Variants in ZMIZ1 observed in about 807,000 individuals in gnomAD.
ZMIZ1 encodes zinc finger MIZ-type containing 1.
In ZMIZ1, 17 loss-of-function variants were observed where a neutral mutation model predicts 113.9. The observed-to-expected ratio is 0.15, with a 90% CI of 0.10 to 0.22. The LOEUF is 0.22. Among genes scored for constraint, ZMIZ1 ranks in the 10% least tolerant of loss-of-function variants. The pLI, the probability that ZMIZ1 is intolerant of heterozygous loss-of-function variation, is 1.00. For synonymous variants in ZMIZ1, 607 were observed against 603.1 expected, an observed-to-expected ratio of 1.01 and a Z score of -0.09; for missense variants, 1,059 against 1,477.8, an observed-to-expected ratio of 0.72 and a Z score of 4.65.
At chr10:79,300,400 G>A (rs1287683601) in intron 16 of ZMIZ1, among the ~76,000 whole-genome samples, 1 of 152,220 alleles carries the variant, frequency 6.6e-6, no homozygotes, top group African/African-American at 2.4e-5. Context: ...CTTGTCAAAT[G>A]AGTGCCTGTT....
chr10:79,157,218 C>T (rs1420750686), intron 3 of ZMIZ1, among the ~76,000 whole-genome samples: 1 of 152,150 alleles, frequency 6.6e-6, no homozygotes. Flanking sequence ...AAAGTGGGAC[C>T]TTACAGCTCC....
intron 2 of ZMIZ1, among the ~76,000 whole-genome samples, chr10:79,130,420 AT>A (rs1352376124): frequency 1.3e-5 from 2 of 152,192 alleles, no homozygotes; most frequent in African/African-American, 4.8e-5. Context: ...CCTACCCAGT[AT>A]ACAGGGCTGA....
intron 4 of ZMIZ1, among the ~76,000 whole-genome samples, chr10:79,193,403 A>G (rs1847690110): frequency 6.6e-6 from 1 of 152,152 alleles, no homozygotes; most frequent in African/African-American, 2.4e-5. Context: ...CTCTTTGGGA[A>G]CCCTCAACGG....
intron 7 of ZMIZ1, among the ~76,000 whole-genome samples, chr10:79,272,805 G>A (rs946327238): frequency 6.6e-5 from 10 of 152,204 alleles, no homozygotes; most frequent in Non-Finnish European, 1.2e-4. Flanking sequence ...TACGTTTTAC[G>A]CTGAGACATT....
At chr10:79,168,656 T>C (rs1256573825) in intron 4 of ZMIZ1, among the ~76,000 whole-genome samples, 2 of 152,228 alleles carry the variant, frequency 1.3e-5, no homozygotes, top group African/African-American at 2.4e-5. Flanking sequence ...GGAGGCTGTG[T>C]GCGGACTCCA....
chr10:79,306,336 G>A lies in ZMIZ1; in HGVS notation c.2660G>A (p.Ser887Asn), dbSNP rs780008519. 15 of 1,609,504 alleles carry A rather than the reference G, an allele frequency of 9.3e-6. No individual in the cohort carries two copies. Among genetic ancestry groups the A allele is most frequent in the Non-Finnish European group, 1.3e-5 (15 of 1,179,938 alleles). ...GGGGGCACCAACTCCAACGACTACA[G>A]CAGCCAAGGTGGGTGATGCCAGGCA... ...PPGGTNSNDY[S>N]SQGNNYQGHG... The change falls in exon 22 of 25, where the codon AGC (serine) becomes AAC (asparagine). Residue 887 changes from serine to asparagine, a missense_variant. Physicochemically the swap from Ser to Asn is conservative, Grantham distance 46 (BLOSUM62 1). Coordinates refer to ENST00000334512, the MANE Select transcript of ZMIZ1 (RefSeq NM_020338.4).
chr10:79,309,001 G>A (rs1258458909), intron 23 of ZMIZ1, among the ~76,000 whole-genome samples: 1 of 152,168 alleles, frequency 6.6e-6, no homozygotes, highest in African/African-American at 2.4e-5. Flanking sequence ...CCATTTCTGA[G>A]CTCTCACTAG....
rs1022339510 is a variant in ZMIZ1, at chr10:79,315,084, C to G, written c.*2335C>G. The G allele has an allele frequency of 6.5e-6, 1 of 152,900 alleles. No individual in the cohort carries two copies. Among genetic ancestry groups the G allele is most frequent in the African/African-American group, 2.4e-5 (1 of 41,464 alleles). 9.5% of individuals were successfully genotyped at this position (152,900 alleles called of 1,614,324 possible). On this transcript the variant is annotated 3_prime_UTR_variant, in exon 25 of 25. Transcript: ENST00000334512. ...GGAGAGTCGAGATGCTCCCTGCAGC[C>G]CAGGCCCCGGGCACCTCCTGCAACC...
chr10:79,135,078 A>G (rs1392876444), intron 2 of ZMIZ1, among the ~76,000 whole-genome samples: 2 of 152,210 alleles, frequency 1.3e-5, no homozygotes, highest in Non-Finnish European at 1.5e-5. Context: ...TCCGCCTCCA[A>G]AGTGCTAGGA....
At chr10:79,267,990 C>T (rs760541710) in intron 7 of ZMIZ1, among the ~76,000 whole-genome samples, 11 of 152,184 alleles carry the variant, frequency 7.2e-5, no homozygotes, top group Non-Finnish European at 1.5e-4. Context: ...ATTCAGGAGA[C>T]CCCATTGCCT....
chr10:79,076,660 C>T (rs1027921488), intron 1 of ZMIZ1, among the ~76,000 whole-genome samples: 5 of 152,064 alleles, frequency 3.3e-5, no homozygotes, highest in African/African-American at 7.2e-5. Flanking sequence ...GTAGTGAAAC[C>T]GCATCTCTGC....
intron 3 of ZMIZ1, among the ~76,000 whole-genome samples, chr10:79,152,288 C>T (rs1009583253): frequency 6.6e-6 from 1 of 152,156 alleles, no homozygotes; most frequent in African/African-American, 2.4e-5. Flanking sequence ...CACTTGAGCT[C>T]AGGAGTTTGA....
intron 1 of ZMIZ1, among the ~76,000 whole-genome samples, chr10:79,107,289 A>T (rs1843594678): frequency 6.6e-6 from 1 of 152,220 alleles, no homozygotes; most frequent in African/African-American, 2.4e-5. Context: ...AGACCTCAGG[A>T]GTCAAACAGC....
At chr10:79,221,451 C>G (rs925248477) in intron 7 of ZMIZ1, among the ~76,000 whole-genome samples, 2 of 152,220 alleles carry the variant, frequency 1.3e-5, no homozygotes, top group East Asian at 3.9e-4. Flanking sequence ...TCCTCCTCAC[C>G]AGGCCCCCTC....
At chr10:79,175,794 T>C (rs999830220) in intron 4 of ZMIZ1, among the ~76,000 whole-genome samples, 1 of 151,818 alleles carries the variant, frequency 6.6e-6, no homozygotes, top group South Asian at 2.1e-4. Context: ...GCCCACTCCT[T>C]GCAGGCAGCC....
intron 7 of ZMIZ1, among the ~76,000 whole-genome samples, chr10:79,239,265 T>C (rs1849713015): frequency 6.6e-6 from 1 of 152,192 alleles, no homozygotes; most frequent in African/African-American, 2.4e-5. Context: ...GCTGGCTGTG[T>C]GATAGCTGCT....
chr10:79,086,604 C>T (rs1385308842), intron 1 of ZMIZ1, among the ~76,000 whole-genome samples: 2 of 152,172 alleles, frequency 1.3e-5, no homozygotes, highest in Non-Finnish European at 2.9e-5. Flanking sequence ...GTCTCGAACT[C>T]CTGGACTCAA....
At chr10:79,249,832 G>T (rs1030111582) in intron 7 of ZMIZ1, among the ~76,000 whole-genome samples, 5 of 152,108 alleles carry the variant, frequency 3.3e-5, no homozygotes, top group Admixed American at 3.3e-4. Context: ...AATGCACGAG[G>T]GACCTCCCTG....
rs116660993 is a variant in ZMIZ1 at position 79,190,885 on chromosome 10, G to A, written c.-49-10699G>A. Among the ~76,000 whole-genome samples, 166 of 152,326 alleles carry A rather than the reference G, an allele frequency of 1.1e-3. No individual in the cohort carries two copies. In the Middle Eastern group the frequency reaches 0.014, roughly 12 times the overall value. ...CACAAAGTCAGGAAACGGGAAGTTTGCATGTGGATCTGCTTGGTGGCCTCA... is the reference window on the plus strand; with the variant it reads ...CACAAAGTCAGGAAACGGGAAGTTTACATGTGGATCTGCTTGGTGGCCTCA... On this transcript the variant is annotated intron_variant, in intron 4 of 24. Coordinates refer to ENST00000334512, the MANE Select transcript of ZMIZ1 (RefSeq NM_020338.4).
Sources: gnomAD v4.1 joint callset for allele counts (sites outside exome capture counted in the v4.1 genomes callset) on GRCh38, gnomAD v4.1.1 for gene constraint, MANE v1.5 for transcripts, NCBI Gene and HGNC (gene_info 2026-07-23, HGNC 2026-07-21) for gene names.